RNFT2: variants seen among roughly 807,000 people sequenced by gnomAD.
RNFT2 encodes ring finger protein, transmembrane 2.
Under a neutral mutation model 53.0 loss-of-function variants are expected in RNFT2, and 36 were observed. That is an observed-to-expected ratio of 0.68 (90% CI 0.52 to 0.90). The LOEUF (loss-of-function observed/expected upper bound fraction) is 0.90. Among genes scored for constraint, RNFT2 ranks in the 40% least tolerant of loss-of-function variants. The pLI is 0.00. For synonymous variants in RNFT2, 260 were observed against 253.2 expected, an observed-to-expected ratio of 1.03 and a Z score of -0.26; for missense variants, 514 against 585.6, an observed-to-expected ratio of 0.88 and a Z score of 1.26.
At chr12:116,796,228 T>C (rs1874500720) in intron 7 of RNFT2, among the ~76,000 whole-genome samples, 1 of 152,080 alleles carries the variant, frequency 6.6e-6, no homozygotes, top group Non-Finnish European at 1.5e-5. Flanking sequence ...GTCATTTCTG[T>C]CTCTTTAAGG....
chr12:116,785,673 C>T (rs1873904274), intron 7 of RNFT2, among the ~76,000 whole-genome samples: 1 of 152,080 alleles, frequency 6.6e-6, no homozygotes, highest in Admixed American at 6.6e-5. Context: ...GCTCTGTAAA[C>T]GGTGAGTAAG....
intron 10 of RNFT2, among the ~76,000 whole-genome samples, chr12:116,846,625 G>A (rs180690382): frequency 1.3e-5 from 2 of 151,848 alleles, no homozygotes; most frequent in East Asian, 1.9e-4. Flanking sequence ...AAAACATTTT[G>A]TTTAGATTTT....
intron 8 of RNFT2, among the ~76,000 whole-genome samples, chr12:116,834,774 C>T (rs755621855): frequency 2.1e-4 from 32 of 151,938 alleles, no homozygotes; most frequent in African/African-American, 7.7e-4. Context: ...AATTTCTCAC[C>T]TATGAAGCTC....
chr12:116,792,145 G>A (rs1046214850), intron 7 of RNFT2, among the ~76,000 whole-genome samples: 1 of 152,122 alleles, frequency 6.6e-6, no homozygotes, highest in Non-Finnish European at 1.5e-5. Context: ...CACCTCCCAG[G>A]TTCAAGCAAT....
intron 7 of RNFT2, among the ~76,000 whole-genome samples, chr12:116,780,355 A>G (rs1873635292): frequency 1.3e-5 from 2 of 152,116 alleles, no homozygotes; most frequent in Non-Finnish European, 2.9e-5. Flanking sequence ...CAGGCATTGG[A>G]TTCTCATAGG....
chr12:116,791,039 C>A (rs1275551078), intron 7 of RNFT2, among the ~76,000 whole-genome samples: 1 of 152,224 alleles, frequency 6.6e-6, no homozygotes, highest in African/African-American at 2.4e-5. Context: ...AGTACATTCA[C>A]AGTGTTGTAC....
intron 6 of RNFT2, 72 bp downstream of exon 6, chr12:116,766,986 C>T: frequency 2.0e-6 from 2 of 1,025,024 alleles, no homozygotes; most frequent in Non-Finnish European, 2.9e-6. Flanking sequence ...CGTACCCTTT[C>T]ACTTGAGAAT....
In RNFT2 at chr12:116,826,810, T is replaced by C. The variant is rs1427444578; in HGVS notation, c.883-6982T>C. Among the ~76,000 whole-genome samples, 3 of 152,340 alleles carry C rather than the reference T, an allele frequency of 2.0e-5. No individual in the cohort carries two copies. In the East Asian group the frequency reaches 5.8e-4, roughly 29 times the overall value. ...CTTTGTTACATGAGCACCTACTACATGCTAGATGCTGGGAATATACCCAGA... is the reference window on the plus strand; with the variant it reads ...CTTTGTTACATGAGCACCTACTACACGCTAGATGCTGGGAATATACCCAGA... On this transcript the variant is annotated intron_variant, in intron 7 of 10. Coordinates refer to ENST00000257575, the MANE Select transcript of RNFT2 (RefSeq NM_001382266.1).
intron 3 of RNFT2, among the ~76,000 whole-genome samples, chr12:116,743,788 A>G (rs909523740): frequency 2.6e-5 from 4 of 152,238 alleles, no homozygotes; most frequent in African/African-American, 4.8e-5. Context: ...TGAGTTTTGT[A>G]TGGTGCCTGC....
intron 2 of RNFT2, 50 bp downstream of exon 2, chr12:116,740,571 G>A: frequency 6.5e-7 from 1 of 1,531,864 alleles, no homozygotes; most frequent in East Asian, 2.4e-5. Context: ...TTGATTAAAT[G>A]TGAGAGCTGG....
intron 3 of RNFT2, among the ~76,000 whole-genome samples, chr12:116,747,939 C>G (rs754032721): frequency 6.6e-6 from 1 of 152,070 alleles, no homozygotes; most frequent in African/African-American, 2.4e-5. Context: ...GCCTGTAATC[C>G]CAGCACTTTG....
In RNFT2 at chr12:116,752,137, G is replaced by T. The variant is rs544715730; in HGVS notation, c.550+1830G>T. Among the ~76,000 whole-genome samples, 46 of 151,964 alleles carry T rather than the reference G, an allele frequency of 3.0e-4. No individual in the cohort carries two copies. In the East Asian group the frequency reaches 7.1e-3, roughly 23 times the overall value. ...GGCCGAGGCAGGAGGATTGCTTGAG[G>T]CTGGGAGTTCGAGACCAGCCTGGGA... On this transcript the variant is annotated intron_variant, in intron 4 of 10. Coordinates refer to ENST00000257575, the MANE Select transcript of RNFT2 (RefSeq NM_001382266.1).
intron 3 of RNFT2, among the ~76,000 whole-genome samples, chr12:116,742,091 A>G (rs1871634658): frequency 6.6e-6 from 1 of 152,112 alleles, no homozygotes; most frequent in Non-Finnish European, 1.5e-5. Flanking sequence ...TACTGCTTGC[A>G]GGGCCACCTG....
chr12:116,789,570 A>G lies in RNFT2; in HGVS notation c.882+10222A>G, dbSNP rs1374952702. ...AGGAGAGTGAGTAGATGGATAGATG[A>G]GTGGATGGGTAAATGGTAGGAGAGT... On this transcript the variant is annotated intron_variant, in intron 7 of 10. Transcript: ENST00000257575. 3.0e-3 allele frequency among the ~76,000 whole-genome samples: 313 copies of G among 104,204 alleles called. No homozygotes were observed. In the Middle Eastern group the frequency reaches 0.066, roughly 22 times the overall value. The allele number at this position is 104,204 out of a possible 152,430, so 68.4% of individuals were successfully genotyped here.
intron 7 of RNFT2, among the ~76,000 whole-genome samples, chr12:116,809,921 C>CA (rs1415563982): frequency 6.6e-6 from 1 of 152,140 alleles, no homozygotes; most frequent in Non-Finnish European, 1.5e-5. Context: ...ATGATCCACC[C>CA]ACCTCGGCCT....
intron 10 of RNFT2, among the ~76,000 whole-genome samples, chr12:116,848,765 C>T (rs1877745396): frequency 6.6e-6 from 1 of 151,926 alleles, no homozygotes; most frequent in South Asian, 2.1e-4. Context: ...CCTTAACGTC[C>T]CAACCCGCCC....
Position 116,849,462 on chromosome 12 carries a change from G to T in RNFT2, c.*14G>T. 6.3e-7 allele frequency: 1 copy of T among 1,576,908 alleles called. No individual in the cohort carries two copies. The highest frequency in any genetic ancestry group is 8.6e-7 in the Non-Finnish European group (1 of 1,160,290). On this transcript the variant is annotated 3_prime_UTR_variant, in exon 11 of 11. Coordinates refer to ENST00000257575, the MANE Select transcript of RNFT2 (RefSeq NM_001382266.1). The stretch of plus-strand genomic sequence containing the variant: ...CAGGTGTACTAGGACCGAACACTGA[G>T]GACACCCAGAAGGACGCCAAGGGTC...
intron 10 of RNFT2, 118 bp downstream of exon 10, chr12:116,836,400 C>T (rs909657848): frequency 4.8e-5 from 39 of 817,440 alleles, no homozygotes; most frequent in Admixed American, 3.9e-4. Context: ...CGGTTAAGAC[C>T]GGAGTCAGCC....
At chr12:116,769,611 C>T (rs116478425) in intron 6 of RNFT2, among the ~76,000 whole-genome samples, 1,800 of 152,254 alleles carry the variant, frequency 0.012, 41 homozygotes, top group African/African-American at 0.042. Flanking sequence ...TATTTCTGTA[C>T]AGCTGTACAA....
Sources: allele counts gnomAD v4.1 joint callset (sites outside exome capture counted in the v4.1 genomes callset), GRCh38; gene constraint gnomAD v4.1.1; transcripts MANE v1.5; gene names NCBI Gene and HGNC (gene_info 2026-07-23, HGNC 2026-07-21).